SKAP2: variants seen among roughly 807,000 people sequenced by gnomAD.
SKAP2 encodes src kinase-associated phosphoprotein 2.
Under a neutral mutation model 54.9 loss-of-function variants are expected in SKAP2, and 28 were observed. That is an observed-to-expected ratio of 0.51 (90% CI 0.38 to 0.70). The LOEUF is 0.70. Among genes scored for constraint, SKAP2 ranks in the 30% least tolerant of loss-of-function variants. The probability of loss-of-function intolerance (pLI) is 0.00; values close to 1 mark genes in which losing one functional copy is unlikely to be tolerated. For missense variants in SKAP2, 356 were observed against 424.1 expected, an observed-to-expected ratio of 0.84 and a Z score of 1.41; for synonymous variants, 137 against 134.3, an observed-to-expected ratio of 1.02 and a Z score of -0.14.
At chr7:26,745,482 TG>T (rs2127964046) in intron 4 of SKAP2, among the ~76,000 whole-genome samples, 1 of 152,378 alleles carries the variant, frequency 6.6e-6, no homozygotes, top group South Asian at 2.1e-4. Flanking sequence ...TTCCATAAAT[TG>T]GCCACCTCCT....
At chr7:26,765,752 C>T (rs1783037822) in intron 4 of SKAP2, among the ~76,000 whole-genome samples, 1 of 152,076 alleles carries the variant, frequency 6.6e-6, no homozygotes, top group Admixed American at 6.6e-5. Flanking sequence ...TTGTTTTTGT[C>T]AGGTTTGTCA....
At chr7:26,789,073 T>A (rs972894449) in intron 4 of SKAP2, among the ~76,000 whole-genome samples, 1 of 152,180 alleles carries the variant, frequency 6.6e-6, no homozygotes, top group Non-Finnish European at 1.5e-5. Flanking sequence ...AAGACCACAA[T>A]GTATTTGTTC....
At chr7:26,666,699 C>T (rs1470533793), downstream of SKAP2, among the ~76,000 whole-genome samples, 2 of 152,106 alleles carry the variant, frequency 1.3e-5, no homozygotes, top group Non-Finnish European at 2.9e-5. Flanking sequence ...AATTAGCACA[C>T]AGTAAAAATA....
intron 3 of SKAP2, among the ~76,000 whole-genome samples, chr7:26,847,413 G>T (rs1051655759): frequency 1.3e-5 from 2 of 151,636 alleles, no homozygotes; most frequent in Non-Finnish European, 2.9e-5. Flanking sequence ...TTAACTGAAC[G>T]CAGGGGTTAC....
chr7:26,714,827 A>G (rs1787396642), intron 9 of SKAP2, among the ~76,000 whole-genome samples: 1 of 152,224 alleles, frequency 6.6e-6, no homozygotes, highest in Admixed American at 6.5e-5. Context: ...AAACTTTATC[A>G]TATTCTATCT....
At chr7:26,754,752 C>T (rs1202345254) in intron 4 of SKAP2, among the ~76,000 whole-genome samples, 1 of 152,198 alleles carries the variant, frequency 6.6e-6, no homozygotes, top group Non-Finnish European at 1.5e-5. Context: ...CACACTTAAA[C>T]ATCACATCAA....
downstream of SKAP2, among the ~76,000 whole-genome samples, chr7:26,664,936 T>G (rs934732116): frequency 1.3e-5 from 2 of 152,138 alleles, no homozygotes; most frequent in African/African-American, 4.8e-5. Flanking sequence ...AAGGCGACTT[T>G]CTGCATTTAC....
chr7:26,686,983 C>A (rs1419315625), intron 10 of SKAP2, among the ~76,000 whole-genome samples: 2 of 151,982 alleles, frequency 1.3e-5, no homozygotes, highest in East Asian at 3.9e-4. Flanking sequence ...TTTGGCTTAG[C>A]TATGTTGTCC....
chr7:26,710,448 G>C (rs1321097883), intron 9 of SKAP2, among the ~76,000 whole-genome samples: 2 of 152,184 alleles, frequency 1.3e-5, no homozygotes, highest in Non-Finnish European at 1.5e-5. Context: ...GGGGAGATGG[G>C]ATTTGATCTG....
At position 26,855,091 on chromosome 7, in the gene SKAP2, A is replaced by C. The variant is rs868146751; in HGVS notation, c.68-201T>G. On this transcript the variant is annotated intron_variant, in intron 1 of 12. Coordinates refer to ENST00000345317, the MANE Select transcript of SKAP2 (RefSeq NM_003930.5). ...AAATCTGATCACCACTTAGCTAATA[A>C]AATTTGTAAGTTCTACTTATGCTTA... 14 of 364,272 alleles carry C rather than the reference A, an allele frequency of 3.8e-5. No individual in the cohort carries two copies. In the Middle Eastern group the frequency reaches 2.4e-3, roughly 62 times the overall value. 22.6% of individuals were successfully genotyped at this position (364,272 alleles called of 1,614,324 possible).
intron 4 of SKAP2, among the ~76,000 whole-genome samples, chr7:26,766,746 TTC>T (rs1323028620): frequency 6.6e-6 from 1 of 152,168 alleles, no homozygotes; most frequent in East Asian, 1.9e-4. Context: ...TTGTCATTGG[TTC>T]TGTTTATGTG....
chr7:26,799,108 GGC>G (rs1277522199), intron 4 of SKAP2, among the ~76,000 whole-genome samples: 2 of 139,012 alleles, frequency 1.4e-5, no homozygotes, highest in African/African-American at 5.2e-5. Context: ...GGCAAGGCAA[GGC>G]AAGACAAGGC....
chr7:26,754,611 T>G (rs1307561595), intron 4 of SKAP2, among the ~76,000 whole-genome samples: 2 of 152,178 alleles, frequency 1.3e-5, no homozygotes, highest in Non-Finnish European at 2.9e-5. Context: ...TTTTAATGAT[T>G]TAGTTCAAAT....
chr7:26,743,489 A>C (rs890691618), intron 4 of SKAP2, among the ~76,000 whole-genome samples: 1 of 152,168 alleles, frequency 6.6e-6, no homozygotes, highest in African/African-American at 2.4e-5. Context: ...GAAAGTGGTT[A>C]ATGAAAAAAG....
intron 4 of SKAP2, among the ~76,000 whole-genome samples, chr7:26,842,996 A>G (rs1784850376): frequency 6.6e-6 from 1 of 152,056 alleles, no homozygotes; most frequent in African/African-American, 2.4e-5. Flanking sequence ...CTGGATATAA[A>G]AAAAGATTGT....
intron 4 of SKAP2, among the ~76,000 whole-genome samples, chr7:26,749,410 A>G (rs1782629566): frequency 6.6e-6 from 1 of 152,172 alleles, no homozygotes; most frequent in Non-Finnish European, 1.5e-5. Context: ...TGTTGAAGGC[A>G]TCTTAAAAGT....
At chr7:26,826,040 G>C (rs964728475) in intron 4 of SKAP2, among the ~76,000 whole-genome samples, 7 of 151,950 alleles carry the variant, frequency 4.6e-5, no homozygotes, top group Non-Finnish European at 8.8e-5. Flanking sequence ...TCTCCATGGG[G>C]ATCAGGTGAA....
At chr7:26,719,337 C>A (rs1263990360) in intron 9 of SKAP2, among the ~76,000 whole-genome samples, 1 of 152,170 alleles carries the variant, frequency 6.6e-6, no homozygotes, top group African/African-American at 2.4e-5. Context: ...CGTCTAACTC[C>A]AGGGGCAGAG....
At chr7:26,862,777 A>AC (rs1398365176) in intron 1 of SKAP2, among the ~76,000 whole-genome samples, 1 of 152,128 alleles carries the variant, frequency 6.6e-6, no homozygotes, top group African/African-American at 2.4e-5. Flanking sequence ...AACAAACTGT[A>AC]CTATGGGAGG....
Sources: allele counts gnomAD v4.1 joint callset (sites outside exome capture counted in the v4.1 genomes callset), GRCh38; gene constraint gnomAD v4.1.1; transcripts MANE v1.5; gene names NCBI Gene and HGNC (gene_info 2026-07-23, HGNC 2026-07-21).